The following RHOT1 variants were observed in gnomAD, a reference collection of about 807,000 sequenced individuals.
The protein encoded by RHOT1 is mitochondrial Rho GTPase 1.
Under a neutral mutation model 95.3 loss-of-function variants are expected in RHOT1, and 27 were observed. That is an observed-to-expected ratio of 0.28 (90% CI 0.21 to 0.39). The LOEUF is 0.39. RHOT1 is among the 10% of genes least tolerant of loss of function. The pLI, the probability that RHOT1 is intolerant of heterozygous loss-of-function variation, is 1.00. For missense variants in RHOT1, 578 were observed against 786.7 expected, an observed-to-expected ratio of 0.73 and a Z score of 3.17; for synonymous variants, 227 against 263.5, an observed-to-expected ratio of 0.86 and a Z score of 1.34.
At position 32,200,948 on chromosome 17, in the gene RHOT1, T is replaced by G. The variant is rs936704752; in HGVS notation, c.1101-8T>G. The G allele has an allele frequency of 6.3e-7, 1 of 1,598,618 alleles. No individual in the cohort carries two copies. The highest frequency in any genetic ancestry group is 1.3e-5 in the African/African-American group (1 of 74,462). ...ACTTTTCACATTTTAAACTCTTTTC[T>G]TTCATAGGCTCACGACTTATTTAGA... On this transcript the variant is annotated splice_polypyrimidine_tract_variant and splice_region_variant and intron_variant, in intron 13 of 19. Coordinates refer to ENST00000545287, the MANE Select transcript of RHOT1 (RefSeq NM_001033566.3).
At position 32,200,968 on chromosome 17, in the gene RHOT1, T is replaced by C. The variant is rs895261455; in HGVS notation, c.1113T>C (p.Tyr371=). The C allele has an allele frequency of 3.7e-6, 6 of 1,610,080 alleles. No homozygotes were observed. Among genetic ancestry groups the C allele is most frequent in the African/African-American group, 2.7e-5 (2 of 74,792 alleles). The change falls in exon 14 of 20, where the codon TAT becomes TAC. Residue 371 remains tyrosine (Y), a synonymous_variant. Coordinates refer to ENST00000545287, the MANE Select transcript of RHOT1 (RefSeq NM_001033566.3). ...TTTTCTTTCATAGGCTCACGACTTA[T>C]TTAGATGTACAGCGGTGCCTGGAAT... ...GFLSQWTLTT[Y]LDVQRCLEYL...
chr17:32,217,298 G>A (rs1053371491), intron 19 of RHOT1, among the ~76,000 whole-genome samples: 2 of 152,170 alleles, frequency 1.3e-5, no homozygotes, highest in African/African-American at 2.4e-5. Context: ...GCTAGACACT[G>A]TGTATTGATT....
At chr17:32,147,648 T>C (rs1030839741) in intron 1 of RHOT1, among the ~76,000 whole-genome samples, 3 of 151,904 alleles carry the variant, frequency 2.0e-5, no homozygotes, top group African/African-American at 7.2e-5. Context: ...GGTGAAACCC[T>C]GTCCCTACTA....
intron 16 of RHOT1, among the ~76,000 whole-genome samples, chr17:32,205,066 G>A (rs1000458936): frequency 4.0e-5 from 6 of 148,284 alleles, no homozygotes; most frequent in Non-Finnish European, 5.9e-5. Flanking sequence ...TTTACTTTAA[G>A]TTCTGGGATA....
intron 19 of RHOT1, among the ~76,000 whole-genome samples, chr17:32,211,671 T>C (rs2038143200): frequency 6.6e-6 from 1 of 152,124 alleles, no homozygotes. Flanking sequence ...GCAAACAGTA[T>C]TTTGAGTTTG....
intron 1 of RHOT1, among the ~76,000 whole-genome samples, chr17:32,149,635 A>ATATATTTATGTGTGTGTGTGTGTGTGTG (rs1445281403): frequency 1.7e-5 from 1 of 59,076 alleles, no homozygotes; most frequent in Non-Finnish European, 3.4e-5. Context: ...ATATATATAT[A>ATATATTTATGTGTGTGTGTGTGTGTGTG]TGTGTGTGTG....
chr17:32,189,155 T>C (rs2036274462), intron 8 of RHOT1, among the ~76,000 whole-genome samples: 1 of 152,066 alleles, frequency 6.6e-6, no homozygotes, highest in Non-Finnish European at 1.5e-5. Flanking sequence ...AAAAATTAGC[T>C]GGGCGTGGTG....
intron 1 of RHOT1, among the ~76,000 whole-genome samples, chr17:32,163,019 T>A (rs984457312): frequency 6.6e-6 from 1 of 152,008 alleles, no homozygotes; most frequent in Non-Finnish European, 1.5e-5. Flanking sequence ...TTTGAGCAAA[T>A]TGAGTGGGGG....
At chr17:32,155,618 C>T (rs1188379460) in intron 1 of RHOT1, among the ~76,000 whole-genome samples, 1 of 151,592 alleles carries the variant, frequency 6.6e-6, no homozygotes, top group East Asian at 1.9e-4. Context: ...TCATGGCTCA[C>T]TGCAGCTTCG....
intron 1 of RHOT1, among the ~76,000 whole-genome samples, chr17:32,148,499 G>A (rs2031725885): frequency 6.6e-6 from 1 of 152,214 alleles, no homozygotes; most frequent in South Asian, 2.1e-4. Context: ...GGTTACTAGT[G>A]TTGATCTCGT....
intron 1 of RHOT1, among the ~76,000 whole-genome samples, chr17:32,166,107 G>C (rs1020495262): frequency 6.6e-5 from 10 of 150,824 alleles, no homozygotes; most frequent in Non-Finnish European, 1.0e-4. Context: ...AAAATCGCTT[G>C]AACCTGGGTG....
At chr17:32,212,174 G>T (rs2038177699) in intron 19 of RHOT1, among the ~76,000 whole-genome samples, 1 of 152,186 alleles carries the variant, frequency 6.6e-6, no homozygotes, top group African/African-American at 2.4e-5. Context: ...CTCACCATTG[G>T]ACACTCACTG....
chr17:32,194,825 T>G (rs1229104552), intron 11 of RHOT1, among the ~76,000 whole-genome samples: 3 of 150,526 alleles, frequency 2.0e-5, no homozygotes, highest in Non-Finnish European at 4.4e-5. Flanking sequence ...GTTCTTTTTC[T>G]TTCTTTTTTT....
chr17:32,180,239 A>G (rs1181642766), intron 6 of RHOT1, among the ~76,000 whole-genome samples: 1 of 152,090 alleles, frequency 6.6e-6, no homozygotes, highest in Non-Finnish European at 1.5e-5. Flanking sequence ...GGGAAAAGAA[A>G]GAGAGATCAG....
intron 8 of RHOT1, among the ~76,000 whole-genome samples, chr17:32,185,086 GTTTTTCTTTTTCTTTTCT>G (rs1371899846): frequency 2.5e-4 from 38 of 151,664 alleles, no homozygotes; most frequent in Non-Finnish European, 3.2e-4. Flanking sequence ...TGCCTGGCTA[GTTTTTCTTTTTCTTTTCT>G]TTTTTCTTTT....
chr17:32,207,002 C>A lies in RHOT1; in HGVS notation c.1509C>A (p.Ser503=). 1 of 1,611,940 alleles carries A rather than the reference C, an allele frequency of 6.2e-7. No homozygotes were observed. The highest frequency in any genetic ancestry group is 8.5e-7 in the Non-Finnish European group (1 of 1,179,194). Residue 503 remains serine (S), a synonymous_variant, in exon 17 of 20, where the codon TCC becomes TCA. Transcript: ENST00000545287. ...TATATGATGTCAGCAATCCCAAATC[C>A]TTTGAATACTGTGCCAGGATTTTTA... ...CLVYDVSNPK[S]FEYCARIFKQ...
At chr17:32,176,547 TTTA>T (rs1459035426) in intron 6 of RHOT1, among the ~76,000 whole-genome samples, 4,870 of 101,802 alleles carry the variant, frequency 0.048, 231 homozygotes, top group African/African-American at 0.19. Flanking sequence ...CTCAGTTTTA[TTTA>T]TTTATTTATT....
At chr17:32,202,741 G>C in intron 14 of RHOT1, 29 bp from the exon 15 acceptor site, 1 of 1,510,768 alleles carries the variant, frequency 6.6e-7, no homozygotes, top group South Asian at 1.2e-5. Flanking sequence ...TACATATTTA[G>C]TGGGGTTTTT....
At chr17:32,214,594 T>C (rs1430063887) in intron 19 of RHOT1, among the ~76,000 whole-genome samples, 1 of 152,030 alleles carries the variant, frequency 6.6e-6, no homozygotes, top group East Asian at 1.9e-4. Flanking sequence ...CCATGAAAAA[T>C]TTGAAAAAGT....
Sources: allele counts gnomAD v4.1 joint callset (sites outside exome capture counted in the v4.1 genomes callset), GRCh38; gene constraint gnomAD v4.1.1; transcripts MANE v1.5; gene names NCBI Gene and HGNC (gene_info 2026-07-23, HGNC 2026-07-21).